The following ASXL2 variants were observed in gnomAD, a reference collection of about 807,000 sequenced individuals.
ASXL2 encodes the protein ASXL transcriptional regulator 2, also known as putative Polycomb group protein ASXL2.
ASXL2 carries 23 observed loss-of-function variants against 122.0 expected under a neutral mutation model. That is an observed-to-expected ratio of 0.19 (90% CI 0.14 to 0.27). The LOEUF (loss-of-function observed/expected upper bound fraction) is 0.27, where lower values mean the gene tolerates loss of function less well. Among genes scored for constraint, ASXL2 ranks in the 10% least tolerant of loss-of-function variants. The pLI, the probability that ASXL2 is intolerant of heterozygous loss-of-function variation, is 1.00. For missense variants in ASXL2, 1,518 were observed against 1,713.8 expected, an observed-to-expected ratio of 0.89 and a Z score of 2.02; for synonymous variants, 650 against 637.0, an observed-to-expected ratio of 1.02 and a Z score of -0.31.
chr2:25,792,175 A>AT (rs557926432), intron 5 of ASXL2, among the ~76,000 whole-genome samples: 6 of 152,100 alleles, frequency 3.9e-5, no homozygotes, highest in Non-Finnish European at 8.8e-5. Flanking sequence ...TTTACTTTTT[A>AT]TTTTTTGTAG....
chr2:25,769,490 T>A (rs1454533169), intron 6 of ASXL2, among the ~76,000 whole-genome samples: 1 of 152,146 alleles, frequency 6.6e-6, no homozygotes, highest in Non-Finnish European at 1.5e-5. Context: ...CAATACTGGT[T>A]CTAACAACAG....
intron 1 of ASXL2, chr2:25,856,898 G>C (rs2089785910): frequency 4.4e-6 from 3 of 679,774 alleles, no homozygotes; most frequent in Admixed American, 4.4e-5. Context: ...CCTCGATGGA[G>C]ACGAGTCTAG....
intron 1 of ASXL2, among the ~76,000 whole-genome samples, chr2:25,860,673 T>C (rs1486527433): frequency 6.7e-6 from 1 of 149,974 alleles, no homozygotes; most frequent in Non-Finnish European, 1.5e-5. Flanking sequence ...ATCATGCCAC[T>C]GCACTCCAGC....
At chr2:25,796,170 G>A (rs535480098) in intron 5 of ASXL2, among the ~76,000 whole-genome samples, 19 of 152,258 alleles carry the variant, frequency 1.2e-4, no homozygotes, top group Middle Eastern at 3.4e-3. Context: ...ATTAACAGAG[G>A]GATGGTAGTG....
Position 25,878,431 on chromosome 2 carries a change from T to G in ASXL2, c.-209A>C. The stretch of plus-strand genomic sequence containing the variant: ...CCGGTCCTCTTGCTGCCGTTGCCAC[T>G]GCTACCGCCGCTGCCATATTGGGTT... On this transcript the variant is annotated 5_prime_UTR_variant, in exon 1 of 13. Coordinates refer to ENST00000435504, the MANE Select transcript of ASXL2 (RefSeq NM_018263.6). 1.7e-6 allele frequency: 1 copy of G among 596,506 alleles called. No homozygotes were observed. Among genetic ancestry groups the G allele is most frequent in the Non-Finnish European group, 3.0e-6 (1 of 336,292 alleles). The allele number at this position is 596,506 out of a possible 1,614,324, so 37.0% of individuals were successfully genotyped here.
intron 1 of ASXL2, among the ~76,000 whole-genome samples, chr2:25,848,107 T>A (rs755130896): frequency 1.3e-5 from 2 of 152,170 alleles, no homozygotes; most frequent in African/African-American, 2.4e-5. Flanking sequence ...AAACTGAAAT[T>A]AATAAATATT....
In ASXL2 at chr2:25,749,940, T is replaced by G. The variant is rs1277981409; in HGVS notation, c.1616A>C (p.Lys539Thr). The change falls in exon 12 of 13, where the codon AAG becomes ACG. Residue 539 changes from lysine (K) to threonine (T), a missense_variant. By Grantham distance (78) the Lys-to-Thr change is moderately conservative (BLOSUM62 -1). Transcript: ENST00000435504. ...CTGTGGACCCGCTCCTGCTGTGGGC[T>G]TCACTATTGGTTTTTCAACCCCAGG... ...KSPGVEKPIVKPTAGAGPQET... is the reference protein window; with the variant it reads ...KSPGVEKPIVTPTAGAGPQET... 12 of 1,613,854 alleles carry G rather than the reference T, an allele frequency of 7.4e-6. No homozygotes were observed. The highest frequency in any genetic ancestry group is 1.0e-5 in the Non-Finnish European group (12 of 1,179,892).
At chr2:25,824,697 A>T (rs543815349) in intron 3 of ASXL2, among the ~76,000 whole-genome samples, 4 of 152,196 alleles carry the variant, frequency 2.6e-5, no homozygotes, top group Non-Finnish European at 5.9e-5. Context: ...CTGTAAATGC[A>T]GTAGCACTTG....
rs758086432 is a variant in ASXL2 at position 25,742,071 on chromosome 2, G to A, written c.4266C>T (p.Ile1422=). 19 of 1,613,760 alleles carry A rather than the reference G, an allele frequency of 1.2e-5. No homozygotes were observed. Among genetic ancestry groups the A allele is most frequent in the Admixed American group, 1.7e-5 (1 of 59,956 alleles). ...GCGAFCHDDC[I]GPSKLCVSCL... The stretch of plus-strand genomic sequence containing the variant: ...AGGAGACGCACAGTTTGGAGGGGCC[G>A]ATGCAATCATCATGGCAGAAAGCGC... The change falls in exon 13 of 13, where the codon ATC becomes ATT. Residue 1422 remains isoleucine (I), a synonymous_variant. Transcript: ENST00000435504.
intron 1 of ASXL2, among the ~76,000 whole-genome samples, chr2:25,849,061 T>TTACATA (rs1553705432): frequency 0.017 from 118 of 6,768 alleles, 7 homozygotes; most frequent in Admixed American, 0.037. Context: ...AAAAAAAAAT[T>TTACATA]TACATATATA....
intron 8 of ASXL2, among the ~76,000 whole-genome samples, chr2:25,766,507 A>C (rs1305556303): frequency 2.0e-5 from 3 of 152,194 alleles, no homozygotes; most frequent in Non-Finnish European, 4.4e-5. Context: ...CTTCAACTTT[A>C]CTGAAACATT....
At position 25,742,397 on chromosome 2, in the gene ASXL2, G is replaced by T. The variant is rs749734270; in HGVS notation, c.3940C>A (p.Pro1314Thr). 1 of 1,607,644 alleles carries T rather than the reference G, an allele frequency of 6.2e-7. No individual in the cohort carries two copies. The highest frequency in any genetic ancestry group is 8.5e-7 in the Non-Finnish European group (1 of 1,176,466). ...QPLLLPPLQTPKLYGSPTQIG... is the reference protein window; with the variant it reads ...QPLLLPPLQTTKLYGSPTQIG... ...TGGGTGGGGCTTCCATACAACTTCG[G>T]GGTTTGCAGGGGTGGAAGGAGTAGG... Residue 1314 changes from proline (P) to threonine (T), a missense_variant, in exon 13 of 13, where the codon CCG becomes ACG. Transcript: ENST00000435504.
chr2:25,741,349 C>G lies in ASXL2; in HGVS notation c.*680G>C, dbSNP rs1053293449. 2 of 220,948 alleles carry G rather than the reference C, an allele frequency of 9.1e-6. No individual in the cohort carries two copies. Among genetic ancestry groups the G allele is most frequent in the African/African-American group, 4.5e-5 (2 of 44,636 alleles). The allele number at this position is 220,948 out of a possible 1,614,324, so 13.7% of individuals were successfully genotyped here. On this transcript the variant is annotated 3_prime_UTR_variant, in exon 13 of 13. Transcript: ENST00000435504. ...GGATCCACAAATTCCAAGCAGATTGCTTGGCAACAGTACCAGTAACTAGTA... is the reference window on the plus strand; with the variant it reads ...GGATCCACAAATTCCAAGCAGATTGGTTGGCAACAGTACCAGTAACTAGTA...
intron 12 of ASXL2, among the ~76,000 whole-genome samples, chr2:25,745,662 T>G (rs1422268238): frequency 2.1e-5 from 3 of 145,792 alleles, no homozygotes; most frequent in East Asian, 3.9e-4. Flanking sequence ...TTTTTTTTTT[T>G]TGAGACAGTC....
intron 5 of ASXL2, among the ~76,000 whole-genome samples, chr2:25,782,909 C>T (rs1465772561): frequency 1.3e-5 from 2 of 152,104 alleles, no homozygotes; most frequent in African/African-American, 4.8e-5. Flanking sequence ...GGGCGGATCA[C>T]TTGAGGTCAG....
chr2:25,874,337 A>G (rs1282218429), intron 1 of ASXL2, among the ~76,000 whole-genome samples: 1 of 152,112 alleles, frequency 6.6e-6, no homozygotes, highest in Non-Finnish European at 1.5e-5. Flanking sequence ...AAAAATTAAA[A>G]AATCAGCCAG....
chr2:25,852,963 A>C (rs1241929086), intron 1 of ASXL2, among the ~76,000 whole-genome samples: 2 of 152,236 alleles, frequency 1.3e-5, no homozygotes, highest in Non-Finnish European at 2.9e-5. Flanking sequence ...TAGGGGATTA[A>C]AACAACTCTT....
At chr2:25,858,093 G>A (rs932877298) in intron 1 of ASXL2, among the ~76,000 whole-genome samples, 5 of 152,130 alleles carry the variant, frequency 3.3e-5, no homozygotes, top group African/African-American at 1.2e-4. Context: ...ATTCAATGCT[G>A]AATACAATGA....
At chr2:25,861,336 A>G (rs571529676) in intron 1 of ASXL2, among the ~76,000 whole-genome samples, 3 of 152,298 alleles carry the variant, frequency 2.0e-5, no homozygotes, top group African/African-American at 7.2e-5. Flanking sequence ...ATCTTGAACA[A>G]TTCTATGCCC....
Sources: gnomAD v4.1 joint callset for allele counts (sites outside exome capture counted in the v4.1 genomes callset) on GRCh38, gnomAD v4.1.1 for gene constraint, MANE v1.5 for transcripts, NCBI Gene and HGNC (gene_info 2026-07-23, HGNC 2026-07-21) for gene names.